The following TIAM2 variants were observed in gnomAD, a reference collection of about 807,000 sequenced individuals.
TIAM2 encodes the protein rho guanine nucleotide exchange factor TIAM2.
TIAM2 carries 80 observed loss-of-function variants against 152.9 expected under a neutral mutation model. That is an observed-to-expected ratio of 0.52 (90% CI 0.44 to 0.63). The LOEUF is 0.63. TIAM2 is among the 30% of genes least tolerant of loss of function. The pLI, the probability that TIAM2 is intolerant of heterozygous loss-of-function variation, is 0.00. For missense variants in TIAM2, 1,965 were observed against 2,120.1 expected (o/e 0.93, Z 1.44); for synonymous variants, 804 against 838.0 (o/e 0.96, Z 0.70).
At chr6:155,179,610 A>G (rs2115136040) in intron 12 of TIAM2, among the ~76,000 whole-genome samples, 154 bp downstream of exon 12, 1 of 152,282 alleles carries the variant, frequency 6.6e-6, no homozygotes, top group Middle Eastern at 3.4e-3. Context: ...CTTCATTTCT[A>G]TTTATTGATA....
At position 155,251,277 on chromosome 6, in the gene TIAM2, C is replaced by T. The variant is rs567181948; in HGVS notation, c.4060+256C>T. Among the ~76,000 whole-genome samples the T allele has an allele frequency of 2.0e-5, 3 of 152,276 alleles. No individual in the cohort carries two copies. The South Asian group carries it at 6.2e-4, about 32-fold the overall frequency. ...CAGATCCCTGCGGCTATTTTGAAAC[C>T]TGCTATCTTTTTCTTTTTCTTTTTC... On this transcript the variant is annotated intron_variant, in intron 22 of 26. Coordinates refer to ENST00000682666, the MANE Select transcript of TIAM2 (RefSeq NM_012454.4).
chr6:155,144,021 G>A (rs1326833609), intron 5 of TIAM2, among the ~76,000 whole-genome samples: 1 of 152,212 alleles, frequency 6.6e-6, no homozygotes, highest in Non-Finnish European at 1.5e-5. Flanking sequence ...AGTGCTGGAT[G>A]ATTACGTGAT....
intron 11 of TIAM2, 41 bp from the exon 12 acceptor site, chr6:155,179,337 A>G: frequency 6.3e-7 from 1 of 1,599,122 alleles, no homozygotes; most frequent in South Asian, 1.1e-5. Context: ...GAGGTATCAT[A>G]ACATGAGATC....
At chr6:155,086,708 G>GAAAAAAAAAAAAAAAAAAAACAAAAAAA (rs10667680) in intron 1 of TIAM2, among the ~76,000 whole-genome samples, 1 of 133,522 alleles carries the variant, frequency 7.5e-6, no homozygotes. Context: ...CTCCATCTTG[G>GAAAAAAAAAAAAAAAAAAAACAAAAAAA]AAAAAAAAAA....
intron 9 of TIAM2, among the ~76,000 whole-genome samples, chr6:155,171,562 AC>A (rs112057182): frequency 0.1 from 15,182 of 151,620 alleles, 852 homozygotes; most frequent in Middle Eastern, 0.16. Flanking sequence ...TGAAAAAAAA[AC>A]CTAAAAAACC....
chr6:155,059,766 G>C (rs1777536031), intron 1 of TIAM2, among the ~76,000 whole-genome samples: 1 of 152,144 alleles, frequency 6.6e-6, no homozygotes, highest in African/African-American at 2.4e-5. Context: ...TTGATCAGTT[G>C]GTTAGTGTGG....
intron 1 of TIAM2, among the ~76,000 whole-genome samples, chr6:155,087,687 T>A (rs1018712757): frequency 6.6e-6 from 1 of 152,066 alleles, no homozygotes; most frequent in Admixed American, 6.6e-5. Context: ...AGGCGGAGGT[T>A]GCAGTGAGCT....
chr6:155,251,024 T>C lies in TIAM2; in HGVS notation c.4060+3T>C. On this transcript the variant is annotated splice_donor_region_variant and intron_variant, in intron 22 of 26. Coordinates refer to ENST00000682666, the MANE Select transcript of TIAM2 (RefSeq NM_012454.4). ...GGACCTTGAGCTCACAGTATTTGGTTAGTATTCCATTCAGAAGAATGCAGA... is the reference window on the plus strand; with the variant it reads ...GGACCTTGAGCTCACAGTATTTGGTCAGTATTCCATTCAGAAGAATGCAGA... The C allele has an allele frequency of 6.2e-7, 1 of 1,612,798 alleles. No individual in the cohort carries two copies. Among genetic ancestry groups the C allele is most frequent in the Non-Finnish European group, 8.5e-7 (1 of 1,178,842 alleles).
chr6:155,025,194 A>T (rs377068875), intron 1 of TIAM2, among the ~76,000 whole-genome samples: 137 of 121,164 alleles, frequency 1.1e-3, no homozygotes, highest in South Asian at 1.7e-3. Context: ...TAATTTTTGT[A>T]TTTTTTTTTT....
chr6:155,156,100 T>A lies in TIAM2; in HGVS notation c.2028+7766T>A, dbSNP rs1432917648. Among the ~76,000 whole-genome samples, 1 of 152,216 alleles carries A rather than the reference T, an allele frequency of 6.6e-6. No homozygotes were observed. Among genetic ancestry groups the A allele is most frequent in the Non-Finnish European group, 1.5e-5 (1 of 68,032 alleles). On this transcript the variant is annotated intron_variant, in intron 7 of 26. Coordinates refer to ENST00000682666, the MANE Select transcript of TIAM2 (RefSeq NM_012454.4). This position sits in a 1 kb window ranked among gnomAD's most constrained non-coding sequence, Gnocchi z 4.4. The stretch of plus-strand genomic sequence containing the variant: ...CAGAAATGGGAAATATAGCCTCATG[T>A]GCAGTCATGGAAGACCCTGGAGGAG...
intron 7 of TIAM2, among the ~76,000 whole-genome samples, chr6:155,153,446 A>G (rs1162314329): frequency 1.3e-5 from 2 of 151,992 alleles, no homozygotes; most frequent in African/African-American, 4.8e-5. Flanking sequence ...ATTTCTGAAA[A>G]AGAAAAAAAA....
At chr6:155,063,781 CA>C (rs56808026) in intron 1 of TIAM2, among the ~76,000 whole-genome samples, 18,696 of 90,250 alleles carry the variant, frequency 0.21, 827 homozygotes, top group Middle Eastern at 0.29. Context: ...GACTCTGTCT[CA>C]AAAAAAAAAA....
chr6:155,016,900 A>AAAATAAAAATCAAT lies in TIAM2; in HGVS notation c.-209+21431_-209+21444dup, dbSNP rs1296073711. Among the ~76,000 whole-genome samples the AAAATAAAAATCAAT allele has an allele frequency of 3.3e-5, 5 of 152,246 alleles. No homozygotes were observed. The South Asian group carries it at 6.2e-4, about 19-fold the overall frequency. ...GGGTGATAGAGCGAGACTCCATCTC[A>AAAATAAAAATCAAT]AAATAAAAATCAATAAATAAAAATC... is the stretch of plus-strand genomic sequence containing the variant. On this transcript the variant is annotated intron_variant, in intron 1 of 26. Transcript: ENST00000682666.
At chr6:155,047,601 C>T (rs930785819) in intron 1 of TIAM2, among the ~76,000 whole-genome samples, 3 of 150,480 alleles carry the variant, frequency 2.0e-5, no homozygotes, top group Non-Finnish European at 4.4e-5. Flanking sequence ...TTGAAACACC[C>T]TGTTTAAAGA....
At chr6:155,071,786 C>G (rs933262602) in intron 1 of TIAM2, among the ~76,000 whole-genome samples, 9 of 151,418 alleles carry the variant, frequency 5.9e-5, no homozygotes, top group African/African-American at 1.9e-4. Context: ...ATCCCAGCTA[C>G]TTGGGAGGCT....
rs150010926 is a variant in TIAM2 at position 155,228,210 on chromosome 6, C to T, written c.3169-12320C>T. 4.8e-3 allele frequency among the ~76,000 whole-genome samples: 728 copies of T among 152,212 alleles called. 20 individuals are homozygous for T. Among genetic ancestry groups the T allele is most frequent in the Non-Finnish European group, 1.4e-3 (97 of 68,016 alleles). Reference sequence around the variant, plus strand: ...TGTGGGATCTCCCCCTTCGAGTATGCGACTGAATTTTGTCCTCAGTTTTCT... The same window carrying T: ...TGTGGGATCTCCCCCTTCGAGTATGTGACTGAATTTTGTCCTCAGTTTTCT... On this transcript the variant is annotated intron_variant, in intron 15 of 26. Transcript: ENST00000682666.
chr6:155,153,868 T>C (rs746300887), intron 7 of TIAM2, among the ~76,000 whole-genome samples: 22 of 152,148 alleles, frequency 1.4e-4, no homozygotes, highest in Non-Finnish European at 2.5e-4. Flanking sequence ...GTGATCTGCC[T>C]GCCTCGACCT....
chr6:155,160,606 A>G (rs942380917), intron 7 of TIAM2, among the ~76,000 whole-genome samples: 1 of 152,114 alleles, frequency 6.6e-6, no homozygotes, highest in African/African-American at 2.4e-5. Context: ...GTCTCTACAA[A>G]AAAAATGCAA....
At chr6:155,050,745 A>G (rs1777300589) in intron 1 of TIAM2, among the ~76,000 whole-genome samples, 1 of 152,178 alleles carries the variant, frequency 6.6e-6, no homozygotes, top group Non-Finnish European at 1.5e-5. Flanking sequence ...GTCCGTGGGT[A>G]AGCCTTTCTG....
Sources: allele counts gnomAD v4.1 joint callset (sites outside exome capture counted in the v4.1 genomes callset), GRCh38; gene constraint gnomAD v4.1.1; non-coding constraint Gnocchi (gnomAD v3.1); transcripts MANE v1.5; gene names NCBI Gene and HGNC (gene_info 2026-07-23, HGNC 2026-07-21).